TUSC3: variants seen among roughly 807,000 people sequenced by gnomAD.
TUSC3 encodes the protein tumor suppressor candidate 3.
A neutral mutation model predicts 44.8 loss-of-function variants in TUSC3; 45 were observed. That is an observed-to-expected ratio of 1.00 (90% CI 0.79 to 1.29). The LOEUF is 1.29. Among genes scored for constraint, TUSC3 ranks in the 50% most tolerant of loss-of-function variants. The probability of loss-of-function intolerance (pLI) is 0.00; values close to 1 mark genes in which losing one functional copy is unlikely to be tolerated. For missense variants in TUSC3, 519 were observed against 437.9 expected (o/e 1.19, Z -1.65); for synonymous variants, 212 against 152.9 (o/e 1.39, Z -2.85).
intron 7 of TUSC3, among the ~76,000 whole-genome samples, chr8:15,742,128 A>G (rs183536850): frequency 8.6e-4 from 128 of 148,966 alleles, no homozygotes; most frequent in African/African-American, 3.0e-3. Flanking sequence ...GCTACTGCCT[A>G]CATGATTGAA....
rs187919676 is a variant in TUSC3, at chr8:15,693,053, C to T, written c.798+19217C>T. On this transcript the variant is annotated intron_variant, in intron 6 of 10. Coordinates refer to ENST00000503731, the MANE Select transcript of TUSC3 (RefSeq NM_006765.4). ...CACATTGAGCCTATGGATGTCACTG[C>T]ATGTGAGATGGATCTGTTGAAGACA... Among the ~76,000 whole-genome samples the T allele has an allele frequency of 7.0e-4, 106 of 152,288 alleles. 1 individual carries two copies. Among genetic ancestry groups the T allele is most frequent in the African/African-American group, 2.4e-3 (99 of 41,572 alleles).
intron 1 of TUSC3, among the ~76,000 whole-genome samples, chr8:15,456,777 A>G (rs566989497): frequency 6.6e-6 from 1 of 152,222 alleles, no homozygotes; most frequent in South Asian, 2.1e-4. Context: ...CAAACAGAGA[A>G]GGAGAAGAGG....
intron 5 of TUSC3, 149 bp downstream of exon 5, chr8:15,662,445 G>C (rs1807465437): frequency 1.4e-5 from 16 of 1,134,326 alleles, no homozygotes; most frequent in Middle Eastern, 2.9e-4. Flanking sequence ...AATTTAGTTT[G>C]AGTTTTCTGT....
intron 1 of TUSC3, among the ~76,000 whole-genome samples, chr8:15,583,571 A>G (rs886158022): frequency 6.6e-6 from 1 of 152,192 alleles, no homozygotes; most frequent in Admixed American, 6.5e-5. Context: ...CGTGGATGGT[A>G]AATATATGCA....
intron 2 of TUSC3, among the ~76,000 whole-genome samples, chr8:15,646,748 C>T (rs545595652): frequency 1.1e-4 from 17 of 152,164 alleles, no homozygotes; most frequent in African/African-American, 4.1e-4. Flanking sequence ...AGAGATGATC[C>T]TACCAGAGAA....
the TUSC3 span, among the ~76,000 whole-genome samples, chr8:15,775,394 T>C: frequency 6.6e-6 from 1 of 152,042 alleles, no homozygotes; most frequent in Non-Finnish European, 1.5e-5. Flanking sequence ...TTGCATAATA[T>C]TGTGAATGTA....
chr8:15,761,393 A>G (rs1271283954), intron 10 of TUSC3, among the ~76,000 whole-genome samples: 1 of 152,144 alleles, frequency 6.6e-6, no homozygotes, highest in Non-Finnish European at 1.5e-5. Flanking sequence ...CTAGAAAGGA[A>G]TGGTTGCTTC....
chr8:15,816,001 G>C, the TUSC3 span, among the ~76,000 whole-genome samples: 6 of 152,116 alleles, frequency 3.9e-5, no homozygotes, highest in African/African-American at 9.7e-5. Context: ...TCAGAAGAAG[G>C]AGGAAGAGGT....
the TUSC3 span, among the ~76,000 whole-genome samples, chr8:15,789,985 G>A: frequency 6.6e-6 from 1 of 152,076 alleles, no homozygotes; most frequent in Non-Finnish European, 1.5e-5. Context: ...GCTGCTCCTT[G>A]CAGACCAGGG....
chr8:15,676,698 A>G lies in TUSC3; in HGVS notation c.798+2862A>G, dbSNP rs536143545. Among the ~76,000 whole-genome samples, 39 of 152,276 alleles carry G rather than the reference A, an allele frequency of 2.6e-4. No homozygotes were observed. In the East Asian group the frequency reaches 3.7e-3, roughly 14 times the overall value. On this transcript the variant is annotated intron_variant, in intron 6 of 10. Transcript: ENST00000503731. ...AGTGGTAGAGGCCAGGAATGCTGCT[A>G]AACACCTAAAATACAAAGGACAGCC...
intron 6 of TUSC3, among the ~76,000 whole-genome samples, chr8:15,675,412 C>CT (rs5889591): frequency 1.3e-4 from 19 of 149,952 alleles, no homozygotes; most frequent in South Asian, 8.5e-4. Flanking sequence ...ATATTGTATT[C>CT]TTTTTTTTTG....
chr8:15,813,564 G>C, the TUSC3 span, among the ~76,000 whole-genome samples: 4 of 151,974 alleles, frequency 2.6e-5, 1 homozygote, highest in East Asian at 3.9e-4. Context: ...TAAATTTTAA[G>C]GCACATTTTA....
intron 6 of TUSC3, among the ~76,000 whole-genome samples, chr8:15,689,757 A>G (rs117979336): frequency 1.4e-5 from 2 of 147,810 alleles, no homozygotes; most frequent in African/African-American, 5.0e-5. Context: ...ATGGCATCCA[A>G]CTCCATTCAT....
In TUSC3 at chr8:15,504,426, G is replaced by T. The variant is rs577140114; in HGVS notation, n.189+20943G>T. Among the ~76,000 whole-genome samples, 18 of 151,624 alleles carry T rather than the reference G, an allele frequency of 1.2e-4. No individual in the cohort carries two copies. In the South Asian group the frequency reaches 3.6e-3, roughly 30 times the overall value. On this transcript the variant is annotated intron_variant and non_coding_transcript_variant, in intron 2 of 5. Transcript: ENST00000503191. ...CGTAAACACCCAACAAGGGAAAGTT[G>T]TTGTTAGTATTAGTTACCATCATTA...
the TUSC3 span, among the ~76,000 whole-genome samples, chr8:15,841,342 A>G: frequency 6.6e-6 from 1 of 152,106 alleles, no homozygotes; most frequent in East Asian, 1.9e-4. Flanking sequence ...TATGAAGTAA[A>G]TAAATTTACT....
chr8:15,522,974 A>T (rs1801317801), intron 2 of TUSC3, among the ~76,000 whole-genome samples: 1 of 152,162 alleles, frequency 6.6e-6, no homozygotes, highest in Non-Finnish European at 1.5e-5. Flanking sequence ...CAATGCGAAG[A>T]TGCATCGTTA....
chr8:15,564,397 AAAAG>A (rs900159018), intron 1 of TUSC3, among the ~76,000 whole-genome samples: 21 of 152,198 alleles, frequency 1.4e-4, no homozygotes, highest in African/African-American at 5.1e-4. Flanking sequence ...AGTATTATAA[AAAAG>A]AAAATTGTGG....
intron 1 of TUSC3, among the ~76,000 whole-genome samples, chr8:15,465,440 A>G (rs187764357): frequency 1.3e-5 from 2 of 152,330 alleles, no homozygotes; most frequent in East Asian, 3.9e-4. Flanking sequence ...AATCTCATGA[A>G]GAAATTTTCA....
intron 1 of TUSC3, among the ~76,000 whole-genome samples, chr8:15,620,991 CTGTGTGTGAGTG>C (rs1205395618): frequency 1.5e-5 from 2 of 135,278 alleles, no homozygotes; most frequent in East Asian, 4.3e-4. Flanking sequence ...TGGTGTGTGT[CTGTGTGTGAGTG>C]TGTGTTGTGC....
Sources: gnomAD v4.1 joint callset for allele counts (sites outside exome capture counted in the v4.1 genomes callset) on GRCh38, gnomAD v4.1.1 for gene constraint, MANE v1.5 for transcripts, NCBI Gene and HGNC (gene_info 2026-07-23, HGNC 2026-07-21) for gene names.